Variants in ANKRD31 observed in about 807,000 individuals in gnomAD.
ANKRD31 encodes ankyrin repeat domain 31, also known as ankyrin repeat domain-containing protein 31.
Under a neutral mutation model 186.0 loss-of-function variants are expected in ANKRD31, and 147 were observed. The observed-to-expected ratio is 0.79, with a 90% CI of 0.69 to 0.91. The LOEUF (loss-of-function observed/expected upper bound fraction) is 0.91. ANKRD31 is among the 40% of genes least tolerant of loss of function. The pLI is 0.00. For missense variants in ANKRD31, 1,986 were observed against 2,148.8 expected (o/e 0.92, Z 1.50); for synonymous variants, 673 against 736.4 (o/e 0.91, Z 1.39).
chr5:75,089,224 A>C (rs1411636452), intron 23 of ANKRD31, among the ~76,000 whole-genome samples: 2 of 152,204 alleles, frequency 1.3e-5, no homozygotes, highest in Non-Finnish European at 2.9e-5. Context: ...AATGTTGTCC[A>C]ACAGCTGGGA....
intron 3 of ANKRD31, among the ~76,000 whole-genome samples, chr5:75,217,705 A>C (rs1343372691): frequency 6.6e-6 from 1 of 151,986 alleles, no homozygotes; most frequent in Non-Finnish European, 1.5e-5. Context: ...TTACCTCTTT[A>C]TCCCACTTGC....
chr5:75,204,743 T>A (rs1441117930), intron 5 of ANKRD31, among the ~76,000 whole-genome samples: 1 of 152,228 alleles, frequency 6.6e-6, no homozygotes, highest in Admixed American at 6.5e-5. Context: ...CTTCCTTTCC[T>A]TGGTACAATT....
chr5:75,182,772 C>T (rs186545436), intron 10 of ANKRD31, among the ~76,000 whole-genome samples: 1 of 150,120 alleles, frequency 6.7e-6, no homozygotes, highest in East Asian at 1.9e-4. Flanking sequence ...AAAATAACCA[C>T]AACCAAATAT....
chr5:75,176,105 G>A (rs1753776074), intron 10 of ANKRD31, among the ~76,000 whole-genome samples: 1 of 152,204 alleles, frequency 6.6e-6, no homozygotes, highest in South Asian at 2.1e-4. Context: ...ATGGCTCAGA[G>A]GGTCCTATGC....
rs535379310 is a variant in ANKRD31, at chr5:75,130,990, G to A, written c.3876+6866C>T. Among the ~76,000 whole-genome samples the A allele has an allele frequency of 1.1e-4, 16 of 152,338 alleles. No homozygotes were observed. The East Asian group carries it at 1.2e-3, about 11-fold the overall frequency. ...ATGGAGAACCGCCATTTTGGCCAAC[G>A]GCCCCACAAAGAGAGAACGGTGGTC... On this transcript the variant is annotated intron_variant, in intron 17 of 25. Transcript: ENST00000506364.
chr5:75,236,223 G>A (rs576098839), intron 1 of ANKRD31, among the ~76,000 whole-genome samples: 7 of 152,272 alleles, frequency 4.6e-5, no homozygotes, highest in African/African-American at 1.7e-4. Context: ...ACTGAGCTAC[G>A]AGTCTCTTGA....
intron 5 of ANKRD31, among the ~76,000 whole-genome samples, chr5:75,201,668 G>T (rs1755830131): frequency 6.6e-6 from 1 of 152,068 alleles, no homozygotes; most frequent in Non-Finnish European, 1.5e-5. Context: ...CATCTGAATG[G>T]ACCCCTCTTG....
intron 25 of ANKRD31, among the ~76,000 whole-genome samples, chr5:75,072,901 G>T (rs1744355179): frequency 6.6e-6 from 1 of 152,168 alleles, no homozygotes; most frequent in South Asian, 2.1e-4. Flanking sequence ...ATACGTTAAG[G>T]TATTGGTATT....
chr5:75,135,740 G>T (rs1340696897), intron 17 of ANKRD31, among the ~76,000 whole-genome samples: 2 of 152,174 alleles, frequency 1.3e-5, no homozygotes, highest in African/African-American at 4.8e-5. Flanking sequence ...CAAAGCTGCA[G>T]GCATCACGCT....
At chr5:75,185,690 A>T (rs1318780602) in intron 10 of ANKRD31, among the ~76,000 whole-genome samples, 1 of 152,134 alleles carries the variant, frequency 6.6e-6, no homozygotes. Flanking sequence ...TAACATAAAG[A>T]AATGATACAT....
At chr5:75,071,550 C>T (rs942011265) in intron 25 of ANKRD31, among the ~76,000 whole-genome samples, 3 of 146,266 alleles carry the variant, frequency 2.1e-5, no homozygotes, top group Non-Finnish European at 4.5e-5. Flanking sequence ...GCCTGGAGTA[C>T]AATAGTGCAA....
chr5:75,231,706 C>T (rs757991419), intron 1 of ANKRD31, among the ~76,000 whole-genome samples: 4 of 152,100 alleles, frequency 2.6e-5, no homozygotes, highest in African/African-American at 9.7e-5. Context: ...CACGAAGATA[C>T]CACTTCATAC....
At chr5:75,153,662 G>A (rs1362171261) in intron 12 of ANKRD31, among the ~76,000 whole-genome samples, 1 of 152,094 alleles carries the variant, frequency 6.6e-6, no homozygotes, top group East Asian at 1.9e-4. Context: ...CTGAGCAGAT[G>A]AATGTAGAGT....
At chr5:75,186,460 A>G (rs1404467698) in intron 10 of ANKRD31, among the ~76,000 whole-genome samples, 1 of 152,126 alleles carries the variant, frequency 6.6e-6, no homozygotes, top group Non-Finnish European at 1.5e-5. Flanking sequence ...TTGCTTTGTT[A>G]TTGACTTAAA....
intron 10 of ANKRD31, among the ~76,000 whole-genome samples, chr5:75,171,097 G>C (rs1386269144): frequency 6.6e-6 from 1 of 151,312 alleles, no homozygotes; most frequent in Non-Finnish European, 1.5e-5. Flanking sequence ...TAAAGATATA[G>C]AACAGCTGAA....
At chr5:75,083,410 C>T (rs1178837036) in intron 24 of ANKRD31, among the ~76,000 whole-genome samples, 1 of 152,082 alleles carries the variant, frequency 6.6e-6, no homozygotes, top group Non-Finnish European at 1.5e-5. Context: ...TTCATAGCAG[C>T]ACTATCTCTA....
At chr5:75,141,633 G>A (rs527689627) in intron 15 of ANKRD31, among the ~76,000 whole-genome samples, 36 of 151,736 alleles carry the variant, frequency 2.4e-4, no homozygotes, top group African/African-American at 7.5e-4. Flanking sequence ...GCGAGACTCC[G>A]TTTCAAAAAA....
chr5:75,182,161 C>T (rs1044873226), intron 10 of ANKRD31, among the ~76,000 whole-genome samples: 9 of 152,114 alleles, frequency 5.9e-5, no homozygotes, highest in African/African-American at 1.9e-4. Context: ...TATACAAAAA[C>T]GATTTCCCCC....
intron 1 of ANKRD31, among the ~76,000 whole-genome samples, chr5:75,232,697 T>A (rs1334915042): frequency 6.6e-6 from 1 of 152,174 alleles, no homozygotes; most frequent in Non-Finnish European, 1.5e-5. Flanking sequence ...ACCATACTCT[T>A]AAAAAGGTGA....
Sources: gnomAD v4.1 joint callset for allele counts (sites outside exome capture counted in the v4.1 genomes callset) on GRCh38, gnomAD v4.1.1 for gene constraint, MANE v1.5 for transcripts, NCBI Gene and HGNC (gene_info 2026-07-23, HGNC 2026-07-21) for gene names.